The following RPGRIP1L variants were observed in gnomAD, a reference collection of about 807,000 sequenced individuals.
RPGRIP1L encodes protein fantom.
In RPGRIP1L, 131 loss-of-function variants were observed where a neutral mutation model predicts 160.4. The observed-to-expected ratio is 0.82, with a 90% CI of 0.71 to 0.94. The LOEUF (loss-of-function observed/expected upper bound fraction) is 0.94. Ranked by LOEUF, RPGRIP1L falls within the 40% of genes least tolerant of loss-of-function variation. The pLI is 0.00. For missense variants in RPGRIP1L, 1,522 were observed against 1,535.8 expected, an observed-to-expected ratio of 0.99 and a Z score of 0.15; for synonymous variants, 510 against 515.8, an observed-to-expected ratio of 0.99 and a Z score of 0.15.
intron 21 of RPGRIP1L, 85 bp downstream of exon 21, chr16:53,637,610 T>G: frequency 8.3e-7 from 1 of 1,203,076 alleles, no homozygotes; most frequent in South Asian, 1.2e-5. Context: ...TACCATTAAA[T>G]GAAGATGTTC....
chr16:53,622,380 T>C lies in RPGRIP1L; in HGVS notation c.3295-24A>G, dbSNP rs927811208. ...CTCTGTCTCAAAAAAAAAAAAAAAATCTTAAGATTAAGAAGCACATTAAAT... is the reference window on the plus strand; with the variant it reads ...CTCTGTCTCAAAAAAAAAAAAAAAACCTTAAGATTAAGAAGCACATTAAAT... On this transcript the variant is annotated intron_variant, in intron 22 of 26. Coordinates refer to ENST00000647211, the MANE Select transcript of RPGRIP1L (RefSeq NM_015272.5). 23 of 587,238 alleles carry C rather than the reference T, an allele frequency of 3.9e-5. 1 individual carries two copies. The East Asian group carries it at 6.8e-4, about 17-fold the overall frequency. 36.4% of individuals were successfully genotyped at this position (587,238 alleles called of 1,614,324 possible).
At chr16:53,671,451 G>T (rs1318978813) in intron 9 of RPGRIP1L, 59 bp downstream of exon 9, 2 of 1,053,646 alleles carry the variant, frequency 1.9e-6, no homozygotes, top group Non-Finnish European at 3.0e-6. Flanking sequence ...AACAGCAAAT[G>T]CTTACATATA....
chr16:53,657,855 A>C (rs1256525337), intron 12 of RPGRIP1L, among the ~76,000 whole-genome samples: 1 of 152,152 alleles, frequency 6.6e-6, no homozygotes, highest in Admixed American at 6.5e-5. Context: ...TTGGATAGAC[A>C]ATTGGAACAG....
chr16:53,657,250 A>C (rs868119369), intron 13 of RPGRIP1L, among the ~76,000 whole-genome samples: 22 of 152,050 alleles, frequency 1.4e-4, no homozygotes, highest in East Asian at 1.9e-4. Flanking sequence ...CAAAAAAAAA[A>C]CCAAAAAAAC....
intron 7 of RPGRIP1L, 41 bp downstream of exon 7, chr16:53,674,976 G>A (rs1397624148): frequency 7.6e-7 from 1 of 1,313,050 alleles, no homozygotes; most frequent in African/African-American, 1.4e-5. Flanking sequence ...TGAATCCTTT[G>A]CATCTCTGTA....
chr16:53,671,746 G>T (rs553328612), intron 8 of RPGRIP1L, among the ~76,000 whole-genome samples, 163 bp from the exon 9 acceptor site: 1 of 152,074 alleles, frequency 6.6e-6, no homozygotes, highest in Non-Finnish European at 1.5e-5. Context: ...CTGCATTTAA[G>T]TCAGCATTGA....
chr16:53,638,523 G>T (rs1167127228), intron 19 of RPGRIP1L, 112 bp from the exon 20 acceptor site: 1 of 618,476 alleles, frequency 1.6e-6, no homozygotes, highest in Non-Finnish European at 2.9e-6. Flanking sequence ...AAATGTAACA[G>T]TTACTCATAT....
chr16:53,606,905 C>T (rs529828484), intron 25 of RPGRIP1L, among the ~76,000 whole-genome samples: 2 of 152,124 alleles, frequency 1.3e-5, no homozygotes, highest in Non-Finnish European at 1.5e-5. Context: ...TGAGTCACTG[C>T]GCCCAGCCTG....
chr16:53,685,533 A>C (rs1270370623), intron 6 of RPGRIP1L, among the ~76,000 whole-genome samples: 1 of 152,210 alleles, frequency 6.6e-6, no homozygotes, highest in African/African-American at 2.4e-5. Flanking sequence ...CATAAAAAGG[A>C]ATGAGATCAT....
intron 24 of RPGRIP1L, among the ~76,000 whole-genome samples, chr16:53,611,783 T>C (rs980496076): frequency 2.6e-4 from 40 of 152,358 alleles, no homozygotes; most frequent in African/African-American, 9.4e-4. Context: ...GTGCGAACAG[T>C]ACAATTTTCA....
intron 10 of RPGRIP1L, among the ~76,000 whole-genome samples, chr16:53,663,952 T>C (rs1968026834): frequency 6.6e-6 from 1 of 152,170 alleles, no homozygotes; most frequent in African/African-American, 2.4e-5. Flanking sequence ...CATTGTGGTC[T>C]AAATAAAAAC....
chr16:53,615,548 G>A (rs1026508814), intron 24 of RPGRIP1L, among the ~76,000 whole-genome samples: 28 of 142,220 alleles, frequency 2.0e-4, no homozygotes, highest in African/African-American at 3.2e-4. Flanking sequence ...ATCTTGGCTC[G>A]CTGCAACCTC....
chr16:53,700,409 ATTCT>A (rs1298179811), intron 2 of RPGRIP1L, among the ~76,000 whole-genome samples: 2 of 152,184 alleles, frequency 1.3e-5, no homozygotes, highest in Non-Finnish European at 2.9e-5. Context: ...ATTTATGTTA[ATTCT>A]TTATCAGAAC....
chr16:53,675,089 C>T lies in RPGRIP1L; in HGVS notation c.810G>A (p.Lys270=). Residue 270 remains lysine (K), a synonymous_variant, in exon 7 of 27, where the codon AAG becomes AAA. Transcript: ENST00000647211. ...SNIRDNVEMI[K]LHKQLVEKSN... ...TTTTCTCTACTAGCTGTTTATGAAG[C>T]TTAATCATTTCTACATTGTCCCGAA... 6.2e-7 allele frequency: 1 copy of T among 1,611,592 alleles called. No homozygotes were observed. Among genetic ancestry groups the T allele is most frequent in the East Asian group, 2.2e-5 (1 of 44,690 alleles).
intron 26 of RPGRIP1L, among the ~76,000 whole-genome samples, chr16:53,602,679 C>A (rs955751931): frequency 2.0e-5 from 3 of 151,488 alleles, no homozygotes; most frequent in African/African-American, 7.3e-5. Flanking sequence ...GAGGCTGAGG[C>A]AGGAGAATCG....
At chr16:53,648,620 G>GCACA (rs1329861075) in intron 16 of RPGRIP1L, among the ~76,000 whole-genome samples, 669 of 62,446 alleles carry the variant, frequency 0.011, 6 homozygotes, top group African/African-American at 0.03. Flanking sequence ...GCGTGCGCGC[G>GCACA]CGCGCGCACA....
chr16:53,646,393 T>C (rs1398611156), intron 16 of RPGRIP1L, among the ~76,000 whole-genome samples: 1 of 152,176 alleles, frequency 6.6e-6, no homozygotes, highest in Non-Finnish European at 1.5e-5. Context: ...GATTCTGTTA[T>C]ATTTGGGTTG....
intron 22 of RPGRIP1L, among the ~76,000 whole-genome samples, chr16:53,623,167 G>T (rs1185316871): frequency 6.6e-6 from 1 of 152,112 alleles, no homozygotes; most frequent in Non-Finnish European, 1.5e-5. Context: ...TCTCATGGGG[G>T]TAACTAATAC....
chr16:53,615,535 G>A (rs899303471), intron 24 of RPGRIP1L, among the ~76,000 whole-genome samples: 2 of 141,272 alleles, frequency 1.4e-5, no homozygotes, highest in African/African-American at 2.7e-5. Flanking sequence ...GTGCAGTGGC[G>A]CGATCTTGGC....
Sources: allele counts gnomAD v4.1 joint callset (sites outside exome capture counted in the v4.1 genomes callset), GRCh38; gene constraint gnomAD v4.1.1; transcripts MANE v1.5; gene names NCBI Gene and HGNC (gene_info 2026-07-23, HGNC 2026-07-21).